The following CNGB1 variants were observed in gnomAD, a reference collection of about 807,000 sequenced individuals.
CNGB1 encodes cyclic nucleotide gated channel subunit beta 1.
In CNGB1, 126 loss-of-function variants were observed where a neutral mutation model predicts 151.7. The ratio of observed to expected loss-of-function variants is 0.83; its 90% CI spans 0.72 to 0.96. The LOEUF (loss-of-function observed/expected upper bound fraction) is 0.96. CNGB1 is among the 40% of genes least tolerant of loss of function. The pLI, the probability that CNGB1 is intolerant of heterozygous loss-of-function variation, is 0.00. For missense variants in CNGB1, 1,698 were observed against 1,627.0 expected, an observed-to-expected ratio of 1.04 and a Z score of -0.75; for synonymous variants, 623 against 635.1, an observed-to-expected ratio of 0.98 and a Z score of 0.29.
intron 14 of CNGB1, among the ~76,000 whole-genome samples, chr16:57,945,309 A>G (rs2149379331): frequency 6.6e-6 from 1 of 152,336 alleles, no homozygotes; most frequent in Admixed American, 6.5e-5. Flanking sequence ...GGATGACTGG[A>G]TGACTTTCCT....
intron 14 of CNGB1, among the ~76,000 whole-genome samples, chr16:57,947,569 G>A (rs1172603868): frequency 6.6e-6 from 1 of 152,176 alleles, no homozygotes; most frequent in African/African-American, 2.4e-5. Context: ...GGGGCATATG[G>A]ATGACATGGA....
chr16:57,916,068 C>A, intron 22 of CNGB1, 61 bp downstream of exon 22: 1 of 1,529,858 alleles, frequency 6.5e-7, no homozygotes, highest in Non-Finnish European at 9.1e-7. Context: ...CACCCAGGGC[C>A]CTCTGAGGCA....
chr16:57,918,061 G>A (rs1960926322), intron 20 of CNGB1, among the ~76,000 whole-genome samples: 2 of 151,762 alleles, frequency 1.3e-5, no homozygotes, highest in Non-Finnish European at 2.9e-5. Context: ...ATGGATGGAT[G>A]GATGGATGGA....
chr16:57,939,887 C>T (rs774490210), intron 15 of CNGB1, among the ~76,000 whole-genome samples: 21 of 152,236 alleles, frequency 1.4e-4, no homozygotes, highest in Non-Finnish European at 2.8e-4. Context: ...CACCACTCTT[C>T]ACAGTGTGCA....
chr16:57,949,282 T>C, intron 14 of CNGB1, 71 bp downstream of exon 14: 2 of 1,598,802 alleles, frequency 1.3e-6, no homozygotes, highest in Non-Finnish European at 1.7e-6. Context: ...CAGCAAAGAG[T>C]GCCCAGACCC....
intron 4 of CNGB1, chr16:57,963,890 A>G (rs1962323920): frequency 1.7e-6 from 1 of 576,756 alleles, no homozygotes; most frequent in Admixed American, 3.0e-5. Context: ...AATGGAGATG[A>G]ATGCATGACT....
At chr16:57,917,641 C>CAT (rs1330204487) in intron 20 of CNGB1, among the ~76,000 whole-genome samples, 165 bp from the exon 21 acceptor site, 1 of 149,844 alleles carries the variant, frequency 6.7e-6, no homozygotes, top group Non-Finnish European at 1.5e-5. Context: ...CACACACACA[C>CAT]ACACACACAT....
intron 18 of CNGB1, among the ~76,000 whole-genome samples, chr16:57,922,771 C>T (rs566213968): frequency 3.3e-5 from 5 of 152,278 alleles, no homozygotes; most frequent in Admixed American, 1.3e-4. Context: ...AGGCCAGCTG[C>T]ACCACATCCC....
At chr16:57,933,730 T>C (rs1178861820) in intron 16 of CNGB1, among the ~76,000 whole-genome samples, 13 of 149,848 alleles carry the variant, frequency 8.7e-5, no homozygotes, top group East Asian at 3.9e-4. Flanking sequence ...TTTTCTTTTT[T>C]TTTTTTTTTT....
rs1304758484 is a variant in CNGB1, at chr16:57,903,857, C to T, written c.2759G>A (p.Trp920Ter). ...TTGCGAGTGCCAGGTGTACTCGTAC[C>T]AGGTCTTGACGCGGTTCTGCACGGA... The part of the protein sequence containing the change: ...PKSVQNRVKT[W>*]YEYTWHSQGM... The change falls in exon 27 of 33, where the codon TGG becomes TAG. Residue 920 changes from tryptophan (W) to a stop codon, truncating the protein, a stop_gained. Coordinates refer to ENST00000251102, the MANE Select transcript of CNGB1 (RefSeq NM_001297.5). LOFTEE classifies it high-confidence loss of function. 3 of 1,614,066 alleles carry T rather than the reference C, an allele frequency of 1.9e-6. No homozygotes were observed. The highest frequency in any genetic ancestry group is 2.5e-6 in the Non-Finnish European group (3 of 1,180,044).
chr16:57,946,219 G>A (rs1174542459), intron 14 of CNGB1, among the ~76,000 whole-genome samples: 1 of 152,222 alleles, frequency 6.6e-6, no homozygotes, highest in Non-Finnish European at 1.5e-5. Flanking sequence ...AGCAGTGGCA[G>A]CCAGCTCTCA....
chr16:57,891,255 C>T (rs1185288693), intron 31 of CNGB1, among the ~76,000 whole-genome samples: 1 of 152,108 alleles, frequency 6.6e-6, no homozygotes, highest in East Asian at 1.9e-4. Flanking sequence ...AAGATCTCTG[C>T]GGACACTGAA....
At chr16:57,887,080 C>A (rs1959952087) in intron 32 of CNGB1, among the ~76,000 whole-genome samples, 1 of 152,158 alleles carries the variant, frequency 6.6e-6, no homozygotes, top group South Asian at 2.1e-4. Flanking sequence ...GAGACAAGTT[C>A]TCGCTATGTT....
chr16:57,951,333 C>T (rs1961944569), intron 12 of CNGB1, among the ~76,000 whole-genome samples: 1 of 152,134 alleles, frequency 6.6e-6, no homozygotes, highest in East Asian at 1.9e-4. Context: ...TGGACCTCAG[C>T]CAAACATGAA....
chr16:57,901,690 C>T (rs1960397531), intron 27 of CNGB1, 65 bp from the exon 28 acceptor site: 15 of 1,341,448 alleles, frequency 1.1e-5, no homozygotes, highest in Non-Finnish European at 1.6e-5. Context: ...TACATACCGG[C>T]CAAGTGCCCA....
At chr16:57,890,142 G>A (rs1960046955) in intron 31 of CNGB1, among the ~76,000 whole-genome samples, 2 of 152,144 alleles carry the variant, frequency 1.3e-5, no homozygotes, top group Non-Finnish European at 2.9e-5. Context: ...TGCAACCAGC[G>A]GGCCTAGACA....
chr16:57,950,806 G>GT lies in CNGB1; in HGVS notation c.875-267dup, dbSNP rs1187620436. ...CAGAGCTTTGATTATGGTTGATCCT[G>GT]TTTGTTTCTCACGGGGGATTCCTTC... On this transcript the variant is annotated intron_variant, in intron 12 of 32. Coordinates refer to ENST00000251102, the MANE Select transcript of CNGB1 (RefSeq NM_001297.5). 5.9e-5 allele frequency among the ~76,000 whole-genome samples: 9 copies of GT among 152,204 alleles called. 1 individual carries two copies. Among genetic ancestry groups the GT allele is most frequent in the African/African-American group, 2.2e-4 (9 of 41,444 alleles).
At chr16:57,943,351 C>T (rs1961719254) in intron 14 of CNGB1, among the ~76,000 whole-genome samples, 1 of 151,964 alleles carries the variant, frequency 6.6e-6, no homozygotes. Context: ...ATATTAACTT[C>T]TCACCTGTTA....
intron 18 of CNGB1, among the ~76,000 whole-genome samples, chr16:57,922,085 T>C (rs1961051384): frequency 1.3e-5 from 2 of 152,322 alleles, no homozygotes; most frequent in African/African-American, 2.4e-5. Flanking sequence ...CGTGCTGCAG[T>C]GGGCAACTGG....
Sources: gnomAD v4.1 joint callset for allele counts (sites outside exome capture counted in the v4.1 genomes callset) on GRCh38, gnomAD v4.1.1 for gene constraint, MANE v1.5 for transcripts, NCBI Gene and HGNC (gene_info 2026-07-23, HGNC 2026-07-21) for gene names.